The following VPS53 variants were observed in gnomAD, a reference collection of about 807,000 sequenced individuals.
VPS53 encodes the protein vacuolar protein sorting-associated protein 53 homolog.
Under a neutral mutation model 107.0 loss-of-function variants are expected in VPS53, and 70 were observed. The ratio of observed to expected loss-of-function variants is 0.65; its 90% CI spans 0.54 to 0.80. The LOEUF is 0.80. VPS53 is among the 30% of genes least tolerant of loss of function. VPS53 has a pLI of 0.00. For missense variants in VPS53, 917 were observed against 1,049.4 expected (o/e 0.87, Z 1.74); for synonymous variants, 409 against 393.3 (o/e 1.04, Z -0.47).
intron 13 of VPS53, among the ~76,000 whole-genome samples, chr17:566,503 A>C (rs1205212430): frequency 1.3e-5 from 2 of 152,256 alleles, no homozygotes; most frequent in East Asian, 3.9e-4. Context: ...GTGAAGCTTC[A>C]TGCTAGTGCT....
Position 655,962 on chromosome 17 carries a change from T to A in VPS53, c.373-9A>T. On this transcript the variant is annotated splice_polypyrimidine_tract_variant and intron_variant, in intron 5 of 21. Transcript: ENST00000437048. ...CGGGTGATTTCTTTCACCTAAACAT[T>A]GAAAAACCACAAGAAAGAAAGGAAG... 6.2e-7 allele frequency: 1 copy of A among 1,609,212 alleles called. No individual in the cohort carries two copies. Among genetic ancestry groups the A allele is most frequent in the Middle Eastern group, 1.7e-4 (1 of 6,034 alleles).
At chr17:713,166 T>A (rs916238740) in intron 1 of VPS53, among the ~76,000 whole-genome samples, 13 of 151,646 alleles carry the variant, frequency 8.6e-5, no homozygotes, top group Non-Finnish European at 1.0e-4. Context: ...TATGCCACTG[T>A]ACTCCAGCCT....
chr17:536,167 C>G (rs1026782230), intron 18 of VPS53, among the ~76,000 whole-genome samples: 1 of 152,152 alleles, frequency 6.6e-6, no homozygotes, highest in East Asian at 1.9e-4. Flanking sequence ...TGGCCACACA[C>G]AAGACACAGC....
intron 4 of VPS53, among the ~76,000 whole-genome samples, chr17:664,855 G>C (rs1250051037): frequency 6.6e-6 from 1 of 152,172 alleles, no homozygotes; most frequent in African/African-American, 2.4e-5. Flanking sequence ...ATGAGGGAGA[G>C]GGAGAACCAA....
chr17:525,596 A>C (rs1303609917), intron 19 of VPS53, among the ~76,000 whole-genome samples: 2 of 152,070 alleles, frequency 1.3e-5, no homozygotes, highest in African/African-American at 4.8e-5. Flanking sequence ...TAGGAGGCTG[A>C]GGTGGGAAGA....
intron 17 of VPS53, among the ~76,000 whole-genome samples, chr17:544,429 G>C (rs1911027322): frequency 1.3e-5 from 2 of 151,938 alleles, no homozygotes. Flanking sequence ...TTTTAGGCAG[G>C]TTACTTAAGC....
chr17:619,896 G>T (rs1247796153), intron 11 of VPS53, among the ~76,000 whole-genome samples: 2 of 134,824 alleles, frequency 1.5e-5, no homozygotes, highest in African/African-American at 5.7e-5. Flanking sequence ...AATATTTCCC[G>T]GGTAGATGGG....
intron 14 of VPS53, 41 bp from the exon 15 acceptor site, chr17:560,614 A>G: frequency 1.9e-6 from 3 of 1,594,310 alleles, no homozygotes; most frequent in Non-Finnish European, 2.6e-6. Context: ...TGGAATTTCT[A>G]ATTTGCTTCC....
At chr17:561,592 G>A (rs9907102) in intron 14 of VPS53, among the ~76,000 whole-genome samples, 76,423 of 152,034 alleles carry the variant, frequency 0.5, 20,492 homozygotes, top group African/African-American at 0.69. Flanking sequence ...AAAAAGTTAC[G>A]TTCTCTTTGG....
In VPS53 at chr17:653,306, CG is replaced by C; in HGVS notation, c.592del (p.Arg198GlyfsTer7). 1 of 1,614,100 alleles carries C rather than the reference CG, an allele frequency of 6.2e-7. No individual in the cohort carries two copies. The highest frequency in any genetic ancestry group is 8.5e-7 in the Non-Finnish European group (1 of 1,180,018). On this transcript the variant is annotated frameshift_variant, in exon 7 of 22. Transcript: ENST00000437048. LOFTEE classifies it high-confidence loss of function. ...GACAGTTTACCTTTCGGAAAGCTGC[CG>C]GATCTGCGGAATCCCCATATACTTG... is the stretch of plus-strand genomic sequence containing the variant. The part of the protein sequence containing the change: ...FHKYMGIPQI[R>X]QLSERVKAAQ...
intron 11 of VPS53, among the ~76,000 whole-genome samples, chr17:618,981 CA>C (rs1969309879): frequency 6.7e-6 from 1 of 148,962 alleles, no homozygotes; most frequent in East Asian, 2.0e-4. Context: ...TACACGTGTG[CA>C]CCACCACGCC....
chr17:654,736 CAAA>C (rs35308893), intron 6 of VPS53, among the ~76,000 whole-genome samples: 3 of 67,520 alleles, frequency 4.4e-5, no homozygotes, highest in African/African-American at 4.3e-5. Context: ...GACTCCAACT[CAAA>C]AAAAAAAAAA....
intron 7 of VPS53, among the ~76,000 whole-genome samples, chr17:652,862 G>C (rs1292848726): frequency 1.3e-5 from 2 of 152,212 alleles, no homozygotes; most frequent in Non-Finnish European, 2.9e-5. Flanking sequence ...GGCAGCTTTG[G>C]AAGACATGGG....
intron 11 of VPS53, among the ~76,000 whole-genome samples, chr17:619,347 G>A (rs1431436503): frequency 8.3e-5 from 12 of 145,250 alleles, no homozygotes; most frequent in African/African-American, 1.6e-4. Flanking sequence ...AATATTTCCC[G>A]GGTAGCTGGG....
At chr17:665,298 C>T (rs888302962) in intron 4 of VPS53, among the ~76,000 whole-genome samples, 1 of 152,082 alleles carries the variant, frequency 6.6e-6, no homozygotes, top group Non-Finnish European at 1.5e-5. Flanking sequence ...AGGCGCTCGC[C>T]GCGGGACGAC....
At chr17:586,216 A>ATGAC in intron 13 of VPS53, 54 bp downstream of exon 13, 1 of 1,555,696 alleles carries the variant, frequency 6.4e-7, no homozygotes, top group Non-Finnish European at 8.9e-7. Flanking sequence ...AGACCCAGTC[A>ATGAC]TGACCAGAGC....
chr17:712,911 TTA>T (rs1973695896), intron 1 of VPS53, among the ~76,000 whole-genome samples: 1 of 152,176 alleles, frequency 6.6e-6, no homozygotes, highest in South Asian at 2.1e-4. Flanking sequence ...AACAGAAATG[TTA>T]TGTCTTTTTC....
chr17:549,781 C>T (rs1567616559), intron 17 of VPS53, among the ~76,000 whole-genome samples: 2 of 152,150 alleles, frequency 1.3e-5, no homozygotes, highest in Non-Finnish European at 2.9e-5. Flanking sequence ...ACTGGCCTCA[C>T]TTTGCCTGCT....
chr17:591,590 G>A (rs1375721023), intron 12 of VPS53, among the ~76,000 whole-genome samples: 1 of 151,998 alleles, frequency 6.6e-6, no homozygotes, highest in African/African-American at 2.4e-5. Flanking sequence ...CTTTGTTCTC[G>A]TTGGTTTCAA....
Sources: gnomAD v4.1 joint callset for allele counts (sites outside exome capture counted in the v4.1 genomes callset) on GRCh38, gnomAD v4.1.1 for gene constraint, MANE v1.5 for transcripts, NCBI Gene and HGNC (gene_info 2026-07-23, HGNC 2026-07-21) for gene names.